The following TNS1 variants were observed in gnomAD, a reference collection of about 807,000 sequenced individuals.
The protein encoded by TNS1 is tensin 1.
TNS1 carries 62 observed loss-of-function variants against 168.6 expected under a neutral mutation model. The observed-to-expected ratio is 0.37, with a 90% CI of 0.30 to 0.45. The LOEUF (loss-of-function observed/expected upper bound fraction) is 0.45, where lower values mean the gene tolerates loss of function less well. Among genes scored for constraint, TNS1 ranks in the 20% least tolerant of loss-of-function variants. TNS1 has a pLI of 1.00. For synonymous variants in TNS1, 934 were observed against 933.2 expected (o/e 1.00, Z -0.02); for missense variants, 2,240 against 2,339.4 (o/e 0.96, Z 0.88).
chr2:218,013,111 C>T (rs930124523), upstream of TNS1, among the ~76,000 whole-genome samples: 35 of 151,598 alleles, frequency 2.3e-4, no homozygotes, highest in Non-Finnish European at 4.0e-4. Context: ...AAAAAATTAG[C>T]GGTGCGTGGT....
intron 1 of TNS1, among the ~76,000 whole-genome samples, chr2:218,019,965 C>T (rs1406722585): frequency 1.3e-5 from 2 of 152,270 alleles, no homozygotes; most frequent in East Asian, 3.9e-4. Flanking sequence ...TCCCCACTGC[C>T]CTACTCTTTT....
chr2:217,811,111 T>C (rs7564990), intron 28 of TNS1, among the ~76,000 whole-genome samples: 2,532 of 152,250 alleles, frequency 0.017, 77 homozygotes, highest in African/African-American at 0.058. Flanking sequence ...AATGCCTCAC[T>C]TCGAGCAATC....
intron 3 of TNS1, among the ~76,000 whole-genome samples, chr2:217,922,890 G>A (rs1449338475): frequency 2.6e-5 from 4 of 152,228 alleles, no homozygotes; most frequent in East Asian, 1.9e-4. Context: ...CCCACTGGCC[G>A]GCCAGCCCAC....
chr2:217,818,734 C>T lies in TNS1; in HGVS notation c.3598G>A (p.Gly1200Arg). The T allele has an allele frequency of 6.2e-7, 1 of 1,612,410 alleles. No homozygotes were observed. Among genetic ancestry groups the T allele is most frequent in the Non-Finnish European group, 8.5e-7 (1 of 1,179,200 alleles). ...DSTSVGSFPS[G>R]ESSDQGPRTP... ...CGGGGACCCTGGTCACTGCTCTCTC[C>T]CGACGGGAAACTCCCCACTGAAGTG... Residue 1200 changes from glycine to arginine, a missense_variant, in exon 24 of 33, where the codon GGA (glycine) becomes AGA (arginine). Around this residue, in one of 2 missense-constraint regions of TNS1, gnomAD observed 2,131 missense variants for 2,171.2 expected, o/e 0.98. Transcript: ENST00000682258.
At chr2:217,856,118 C>T (rs1471229019) in intron 18 of TNS1, among the ~76,000 whole-genome samples, 1 of 152,180 alleles carries the variant, frequency 6.6e-6, no homozygotes, top group Non-Finnish European at 1.5e-5. Context: ...GGTGCTGTCT[C>T]TGGGGATCCT....
intron 18 of TNS1, among the ~76,000 whole-genome samples, chr2:217,857,785 A>C (rs1574840322): frequency 6.6e-6 from 1 of 152,224 alleles, no homozygotes; most frequent in South Asian, 2.1e-4. Context: ...TGTTCCCCCC[A>C]GCCTGAAGCT....
chr2:218,012,109 C>T (rs546284048), upstream of TNS1, among the ~76,000 whole-genome samples: 13 of 152,220 alleles, frequency 8.5e-5, no homozygotes, highest in African/African-American at 2.9e-4. Context: ...CTTCTAGGGG[C>T]CTTCAATCTC....
At chr2:217,935,556 C>T (rs910367106) in intron 3 of TNS1, among the ~76,000 whole-genome samples, 1 of 152,208 alleles carries the variant, frequency 6.6e-6, no homozygotes, top group Non-Finnish European at 1.5e-5. Flanking sequence ...GCAGAGGCAG[C>T]CACATGTGTG....
Position 217,821,805 on chromosome 2 carries a change from G to A in TNS1, c.3507C>T (p.Thr1169=). ...YGHEIPLRNG[T]LGGSFVSPSP... is the part of the protein sequence containing the mutation. Reference sequence around the variant, plus strand: ...TGGGGGAGACAAAGGAGCCACCCAGGGTCCCGTTCCTCAGGGGTATCTCAT... The same window carrying A: ...TGGGGGAGACAAAGGAGCCACCCAGAGTCCCGTTCCTCAGGGGTATCTCAT... Residue 1169 remains threonine, a synonymous_variant, in exon 23 of 33, where the codon ACC becomes ACT. Coordinates refer to ENST00000682258, the MANE Select transcript of TNS1 (RefSeq NM_001387777.1). The A allele has an allele frequency of 6.5e-7, 1 of 1,546,598 alleles. No individual in the cohort carries two copies. Among genetic ancestry groups the A allele is most frequent in the Non-Finnish European group, 8.7e-7 (1 of 1,148,876 alleles).
intron 17 of TNS1, 184 bp downstream of exon 17, chr2:217,882,162 C>G (rs1574936327): frequency 1.9e-6 from 1 of 533,174 alleles, no homozygotes; most frequent in African/African-American, 2.0e-5. Flanking sequence ...TTTTATTATC[C>G]AGAGATTAAG....
At chr2:217,895,910 C>G (rs1023860500) in intron 8 of TNS1, among the ~76,000 whole-genome samples, 3 of 152,238 alleles carry the variant, frequency 2.0e-5, no homozygotes, top group Non-Finnish European at 4.4e-5. Context: ...GGCAGGGCAC[C>G]AAGTCCCATA....
At chr2:217,925,694 G>A (rs949341044) in intron 3 of TNS1, among the ~76,000 whole-genome samples, 3 of 151,994 alleles carry the variant, frequency 2.0e-5, no homozygotes, top group African/African-American at 4.8e-5. Context: ...AAATGTATTC[G>A]GTGGCATTAA....
intron 27 of TNS1, among the ~76,000 whole-genome samples, chr2:217,812,795 G>A (rs1427579519): frequency 6.6e-6 from 1 of 152,146 alleles, no homozygotes; most frequent in African/African-American, 2.4e-5. Context: ...CTCACCTGTT[G>A]GTTCTCAGGT....
rs528727256 is a variant in TNS1 at position 217,880,074 on chromosome 2, G to A, written c.1429+824C>T. On this transcript the variant is annotated intron_variant, in intron 18 of 32. Coordinates refer to ENST00000682258, the MANE Select transcript of TNS1 (RefSeq NM_001387777.1). The surrounding 1 kb of genome is among the most constrained non-coding windows in gnomAD (Gnocchi z 4.2). ...CAGCTCCAACATTCTGCAGTCCTAC[G>A]ACCAACTCAAGAAAAGAAGCTTGTG... Among the ~76,000 whole-genome samples, 19 of 152,270 alleles carry A rather than the reference G, an allele frequency of 1.2e-4. No homozygotes were observed. The highest frequency in any genetic ancestry group is 3.9e-4 in the African/African-American group (16 of 41,558).
chr2:217,923,268 G>A (rs950261369), intron 3 of TNS1, among the ~76,000 whole-genome samples: 2 of 152,346 alleles, frequency 1.3e-5, no homozygotes, highest in Middle Eastern at 3.4e-3. Context: ...CCTTCCCCCA[G>A]TGGACCTCAA....
intron 18 of TNS1, among the ~76,000 whole-genome samples, chr2:217,851,895 G>A (rs1947549988): frequency 6.6e-6 from 1 of 152,214 alleles, no homozygotes; most frequent in African/African-American, 2.4e-5. Flanking sequence ...TGTAATCCCA[G>A]CACTCTGGGA....
chr2:217,855,177 G>A (rs1000816446), intron 18 of TNS1, among the ~76,000 whole-genome samples: 2 of 152,098 alleles, frequency 1.3e-5, no homozygotes, highest in African/African-American at 2.4e-5. Flanking sequence ...TTCCCAACAG[G>A]CCTCTGCCTA....
At chr2:217,886,228 G>A (rs952343112) in intron 13 of TNS1, 124 bp from the exon 14 acceptor site, 5 of 1,033,426 alleles carry the variant, frequency 4.8e-6, no homozygotes, top group Admixed American at 4.5e-5. Context: ...GGTAGGAAGG[G>A]GAAGGAGGAA....
At chr2:217,883,104 A>G (rs893731021) in intron 16 of TNS1, among the ~76,000 whole-genome samples, 3 of 151,902 alleles carry the variant, frequency 2.0e-5, no homozygotes, top group Non-Finnish European at 4.4e-5. Flanking sequence ...CCAGACATGA[A>G]TTTTAAATAA....
Sources: allele counts gnomAD v4.1 joint callset (sites outside exome capture counted in the v4.1 genomes callset), GRCh38; gene constraint gnomAD v4.1.1; regional missense constraint gnomAD v4.1.1; non-coding constraint Gnocchi (gnomAD v3.1); transcripts MANE v1.5; gene names NCBI Gene and HGNC (gene_info 2026-07-23, HGNC 2026-07-21).